PCDH15: variants seen among roughly 807,000 people sequenced by gnomAD.
The protein encoded by PCDH15 is protocadherin-15.
PCDH15 carries 129 observed loss-of-function variants against 178.5 expected under a neutral mutation model. The observed-to-expected ratio is 0.72, with a 90% CI of 0.63 to 0.84. The LOEUF (loss-of-function observed/expected upper bound fraction) is 0.84. PCDH15 is among the 40% of genes least tolerant of loss of function. The pLI is 0.00. For missense variants in PCDH15, 2,230 were observed against 2,099.9 expected (o/e 1.06, Z -1.21); for synonymous variants, 800 against 732.0 (o/e 1.09, Z -1.50).
intron 2 of PCDH15, among the ~76,000 whole-genome samples, chr10:55,389,171 T>G (rs921919650): frequency 2.6e-5 from 4 of 151,648 alleles, no homozygotes; most frequent in African/African-American, 7.3e-5. Context: ...TAAGGGAGAG[T>G]TTAAAAAAAG....
chr10:54,739,179 A>T (rs7896351), intron 1 of PCDH15, among the ~76,000 whole-genome samples: 5,479 of 152,070 alleles, frequency 0.036, 341 homozygotes, highest in African/African-American at 0.13. Flanking sequence ...AAACCTAAGG[A>T]TTCCACTAGA....
intron 2 of PCDH15, among the ~76,000 whole-genome samples, chr10:55,591,286 T>C (rs1842837852): frequency 6.6e-6 from 1 of 151,922 alleles, no homozygotes; most frequent in African/African-American, 2.4e-5. Flanking sequence ...TACAAAAAAA[T>C]TAGCCAAGCA....
intron 2 of PCDH15, among the ~76,000 whole-genome samples, chr10:54,586,806 G>A (rs2091502350): frequency 6.6e-6 from 1 of 152,058 alleles, no homozygotes; most frequent in Admixed American, 6.6e-5. Flanking sequence ...ATGTGCCATA[G>A]TTTGTAAAAG....
chr10:55,054,439 T>A (rs1474006455), intron 2 of PCDH15, among the ~76,000 whole-genome samples: 2 of 152,218 alleles, frequency 1.3e-5, no homozygotes, highest in Non-Finnish European at 2.9e-5. Context: ...GATGGGCATT[T>A]AGTTTGATTC....
At chr10:54,110,475 C>T (rs567719497) in intron 15 of PCDH15, among the ~76,000 whole-genome samples, 1 of 152,212 alleles carries the variant, frequency 6.6e-6, no homozygotes, top group Admixed American at 6.5e-5. Context: ...GTGAATTTTT[C>T]ATCTTTACTC....
intron 2 of PCDH15, among the ~76,000 whole-genome samples, chr10:54,566,210 C>G (rs2089010014): frequency 6.6e-6 from 1 of 152,018 alleles, no homozygotes; most frequent in South Asian, 2.1e-4. Flanking sequence ...TTTAGGTTTA[C>G]AAAAAAAATG....
intron 1 of PCDH15, among the ~76,000 whole-genome samples, chr10:55,234,422 T>C (rs1841315928): frequency 6.6e-6 from 1 of 151,980 alleles, no homozygotes; most frequent in African/African-American, 2.4e-5. Flanking sequence ...TTTTTTTTTC[T>C]TTGAGACAGG....
chr10:54,294,773 A>G (rs897548015), intron 8 of PCDH15, among the ~76,000 whole-genome samples: 2 of 152,210 alleles, frequency 1.3e-5, no homozygotes, highest in African/African-American at 2.4e-5. Flanking sequence ...GGATTATTAG[A>G]ATTATTTTGA....
At chr10:55,226,349 T>TTTTTG (rs1056824756) in intron 1 of PCDH15, among the ~76,000 whole-genome samples, 2 of 151,460 alleles carry the variant, frequency 1.3e-5, no homozygotes, top group African/African-American at 4.9e-5. Flanking sequence ...CAGAATAGTT[T>TTTTTG]TTTTGTTTTG....
At chr10:55,317,103 G>A (rs566736252) in intron 1 of PCDH15, among the ~76,000 whole-genome samples, 34 of 152,228 alleles carry the variant, frequency 2.2e-4, no homozygotes, top group African/African-American at 7.0e-4. Flanking sequence ...CACACTGGTT[G>A]GGAACCAGGG....
chr10:55,508,956 A>G (rs1243931030), intron 2 of PCDH15, among the ~76,000 whole-genome samples: 1 of 151,764 alleles, frequency 6.6e-6, no homozygotes, highest in Non-Finnish European at 1.5e-5. Context: ...AAGCAAAGCA[A>G]AACAAAACAA....
chr10:54,101,833 T>C (rs1319487304), intron 15 of PCDH15, among the ~76,000 whole-genome samples: 1 of 151,778 alleles, frequency 6.6e-6, no homozygotes, highest in African/African-American at 2.4e-5. Context: ...AAATTAGCTG[T>C]GTGTGGTGTT....
At chr10:55,258,325 A>G (rs963099568) in intron 1 of PCDH15, among the ~76,000 whole-genome samples, 1 of 152,194 alleles carries the variant, frequency 6.6e-6, no homozygotes, top group Non-Finnish European at 1.5e-5. Context: ...GTAAGTATTA[A>G]TTAACTCTTG....
intron 2 of PCDH15, chr10:55,366,281 A>C (rs1020691765): frequency 2.0e-5 from 3 of 152,008 alleles, no homozygotes; most frequent in African/African-American, 7.2e-5. Flanking sequence ...TTTGTTTTTT[A>C]TAATAGAGTG....
intron 2 of PCDH15, among the ~76,000 whole-genome samples, chr10:55,597,762 T>C (rs192679726): frequency 6.6e-6 from 1 of 152,226 alleles, no homozygotes; most frequent in East Asian, 1.9e-4. Context: ...CCCAACAAGA[T>C]TCTACCCTGA....
chr10:55,302,592 T>C, intron 1 of PCDH15, among the ~76,000 whole-genome samples: 1 of 152,154 alleles, frequency 6.6e-6, no homozygotes, highest in East Asian at 1.9e-4. Flanking sequence ...AGGCTTCAAG[T>C]GGTTGGATAA....
chr10:53,945,120 C>T (rs2086422799), intron 23 of PCDH15, among the ~76,000 whole-genome samples: 1 of 152,132 alleles, frequency 6.6e-6, no homozygotes, highest in African/African-American at 2.4e-5. Flanking sequence ...CTAAATTTTA[C>T]ATGTAAAACA....
rs546937177 is a variant in PCDH15, at chr10:54,328,675, T to G, written c.705+921A>C. 1.3e-4 allele frequency among the ~76,000 whole-genome samples: 20 copies of G among 152,082 alleles called. No individual in the cohort carries two copies. In the East Asian group the frequency reaches 3.9e-3, roughly 30 times the overall value. Reference sequence around the variant, plus strand: ...CAATAAACGTAAAAGAAATCCTAGTTTTGCTACCCTTTCTGCCTGTTGCAT... The same window carrying G: ...CAATAAACGTAAAAGAAATCCTAGTGTTGCTACCCTTTCTGCCTGTTGCAT... On this transcript the variant is annotated intron_variant, in intron 7 of 37. Transcript: ENST00000644397.
At chr10:54,065,043 A>C (rs1023149320) in intron 18 of PCDH15, among the ~76,000 whole-genome samples, 2 of 152,158 alleles carry the variant, frequency 1.3e-5, no homozygotes, top group African/African-American at 4.8e-5. Flanking sequence ...CAGATGGGCC[A>C]CTGCTGCCAT....
Sources: allele counts gnomAD v4.1 joint callset (sites outside exome capture counted in the v4.1 genomes callset), GRCh38; gene constraint gnomAD v4.1.1; transcripts MANE v1.5; gene names NCBI Gene and HGNC (gene_info 2026-07-23, HGNC 2026-07-21).